Variants in WASHC5 observed in about 807,000 individuals in gnomAD.
WASHC5 encodes the protein WASH complex subunit 5.
In WASHC5, 101 loss-of-function variants were observed where a neutral mutation model predicts 150.4. The observed-to-expected ratio is 0.67, with a 90% CI of 0.57 to 0.79. The LOEUF (loss-of-function observed/expected upper bound fraction) is 0.79. Among genes scored for constraint, WASHC5 ranks in the 30% least tolerant of loss-of-function variants. The pLI, the probability that WASHC5 is intolerant of heterozygous loss-of-function variation, is 0.00. For synonymous variants in WASHC5, 467 were observed against 491.2 expected, an observed-to-expected ratio of 0.95 and a Z score of 0.65; for missense variants, 1,195 against 1,396.3, an observed-to-expected ratio of 0.86 and a Z score of 2.30.
At chr8:125,087,317 T>C (rs1817448975) in intron 1 of WASHC5, among the ~76,000 whole-genome samples, 2 of 152,254 alleles carry the variant, frequency 1.3e-5, no homozygotes, top group Non-Finnish European at 2.9e-5. Flanking sequence ...CGCTGATTAT[T>C]GCAATTTCCT....
At chr8:125,025,179 T>C (rs1815341446) in intron 28 of WASHC5, among the ~76,000 whole-genome samples, 1 of 152,060 alleles carries the variant, frequency 6.6e-6, no homozygotes, top group Admixed American at 6.5e-5. Flanking sequence ...GAAGACTAAA[T>C]TGGGCTCAGT....
In WASHC5 at chr8:125,043,730, AAGAAG is replaced by A; in HGVS notation, c.2850+90_2850+94del. Reference sequence around the variant, plus strand: ...ATATTTTTGATTTAATGACAAAAGAAAGAAGAGTAGCTTTTTTTGGGCAACAAAGT... The same window carrying A: ...ATATTTTTGATTTAATGACAAAAGAAAGTAGCTTTTTTTGGGCAACAAAGT... On this transcript the variant is annotated intron_variant, in intron 23 of 28. Coordinates refer to ENST00000318410, the MANE Select transcript of WASHC5 (RefSeq NM_014846.4). 8.5e-6 allele frequency: 7 copies of A among 826,532 alleles called. No individual in the cohort carries two copies. In the South Asian group the frequency reaches 1.1e-4, roughly 13 times the overall value. 51.2% of individuals were successfully genotyped at this position (826,532 alleles called of 1,614,324 possible). A position where few individuals can be genotyped will look rare whatever the true frequency, so the allele number is the denominator to read the frequency against.
In WASHC5 at chr8:125,078,894, A is replaced by G. The variant is rs145934920; in HGVS notation, c.555T>C (p.Asp185=). 186 of 1,613,758 alleles carry G rather than the reference A, an allele frequency of 1.2e-4. No homozygotes were observed. Among genetic ancestry groups the G allele is most frequent in the Non-Finnish European group, 7.5e-5 (88 of 1,179,932 alleles). ...CTGTACTTCGAAGCAGCTTACAAATATCGTCCATATTTGAATCAGCAGAAG... is the reference window on the plus strand; with the variant it reads ...CTGTACTTCGAAGCAGCTTACAAATGTCGTCCATATTTGAATCAGCAGAAG... ...ARSSADSNMD[D]ICKLLRSTGY... Residue 185 remains aspartate (D), a synonymous_variant, in exon 6 of 29, where the codon GAT becomes GAC. Coordinates refer to ENST00000318410, the MANE Select transcript of WASHC5 (RefSeq NM_014846.4).
At chr8:125,032,525 G>T in intron 26 of WASHC5, 131 bp from the exon 27 acceptor site, 1 of 1,033,062 alleles carries the variant, frequency 9.7e-7, no homozygotes, top group Non-Finnish European at 1.5e-6. Context: ...TGGAGGGAAT[G>T]ACAATTCTGG....
chr8:125,055,198 T>C (rs1816370423), intron 17 of WASHC5, among the ~76,000 whole-genome samples: 6 of 152,108 alleles, frequency 3.9e-5, no homozygotes, highest in East Asian at 1.9e-4. Flanking sequence ...CCACGACAGA[T>C]GGATCACTTG....
intron 1 of WASHC5, among the ~76,000 whole-genome samples, chr8:125,086,018 G>C (rs1405134290): frequency 2.0e-5 from 3 of 152,154 alleles, no homozygotes; most frequent in African/African-American, 7.2e-5. Context: ...GCCAAAGATG[G>C]CTCCCAACAA....
intron 23 of WASHC5, among the ~76,000 whole-genome samples, chr8:125,042,489 G>A (rs1815921505): frequency 6.6e-6 from 1 of 152,026 alleles, no homozygotes; most frequent in Non-Finnish European, 1.5e-5. Flanking sequence ...TTGTCCTTTG[G>A]GGCTTTATTT....
Position 125,083,152 on chromosome 8 carries a change from G to T in WASHC5, c.293C>A (p.Ala98Glu). The change falls in exon 3 of 29, where the codon GCA (alanine) becomes GAA (glutamate). Residue 98 changes from alanine (A) to glutamate (E), a missense_variant. Around this residue, in one of 3 missense-constraint regions of WASHC5, gnomAD observed 195 missense variants for 206.9 expected, o/e 0.94. Coordinates refer to ENST00000318410, the MANE Select transcript of WASHC5 (RefSeq NM_014846.4). ...AATATATTTATGTACACTTTGAAAT[G>T]CTAAATAAAATCTGGTCACAATTTC... ...NIEIVTRFYL[A>E]FQSVHKYIVD... 6.4e-7 allele frequency: 1 copy of T among 1,569,824 alleles called. No homozygotes were observed. Among genetic ancestry groups the T allele is most frequent in the Non-Finnish European group, 8.8e-7 (1 of 1,140,470 alleles).
At chr8:125,076,632 T>A in intron 6 of WASHC5, 132 bp from the exon 7 acceptor site, 1 of 964,014 alleles carries the variant, frequency 1.0e-6, no homozygotes. Context: ...TCCTGGACAC[T>A]GGAAGCCCTT....
At chr8:125,047,480 C>G (rs1816103178) in intron 19 of WASHC5, 149 bp from the exon 20 acceptor site, 2 of 738,196 alleles carry the variant, frequency 2.7e-6, no homozygotes, top group African/African-American at 3.5e-5. Context: ...CTCTGTCCCC[C>G]AGGCTGGAGT....
chr8:125,052,054 A>G (rs1266998602), intron 17 of WASHC5, among the ~76,000 whole-genome samples: 3 of 152,278 alleles, frequency 2.0e-5, no homozygotes, highest in Admixed American at 1.3e-4. Flanking sequence ...ACTAAATCCT[A>G]TTTCTTAAGT....
intron 9 of WASHC5, 106 bp from the exon 10 acceptor site, chr8:125,067,825 A>T: frequency 8.4e-7 from 1 of 1,188,518 alleles, no homozygotes; most frequent in Admixed American, 1.8e-5. Context: ...TTAAAAAGTA[A>T]TAAGCAAAAT....
chr8:125,059,087 C>T (rs1159443882), intron 14 of WASHC5, 135 bp downstream of exon 14: 7 of 713,362 alleles, frequency 9.8e-6, no homozygotes, highest in Non-Finnish European at 1.7e-5. Flanking sequence ...AAACTGCTAA[C>T]AATTTCAGTC....
intron 1 of WASHC5, among the ~76,000 whole-genome samples, chr8:125,088,679 A>G (rs1193466890): frequency 3.9e-5 from 6 of 152,092 alleles, no homozygotes; most frequent in Non-Finnish European, 8.8e-5. Context: ...CAGCCTTCAG[A>G]TAAGACCATA....
intron 25 of WASHC5, among the ~76,000 whole-genome samples, chr8:125,038,023 G>A (rs148927600): frequency 6.6e-6 from 1 of 152,074 alleles, no homozygotes; most frequent in Admixed American, 6.5e-5. Context: ...TCTGAGCCTC[G>A]GGTTCCTCAA....
intron 17 of WASHC5, 90 bp from the exon 18 acceptor site, chr8:125,050,755 T>A: frequency 1.1e-6 from 1 of 951,678 alleles, no homozygotes; most frequent in Non-Finnish European, 1.7e-6. Context: ...GAATCTGCAG[T>A]GGGGCATTTT....
intron 26 of WASHC5, chr8:125,032,761 C>A (rs1016655217): frequency 2.6e-5 from 7 of 273,242 alleles, no homozygotes; most frequent in Non-Finnish European, 5.0e-5. Flanking sequence ...ATACTAGATA[C>A]CCTGAACTAC....
intron 4 of WASHC5, 28 bp downstream of exon 4, chr8:125,082,355 T>C (rs1194372498): frequency 1.6e-6 from 2 of 1,237,562 alleles, no homozygotes; most frequent in Non-Finnish European, 2.4e-6. Flanking sequence ...ATTCTTGAAT[T>C]TCATTTTAAA....
chr8:125,024,524 A>C lies in WASHC5; in HGVS notation c.*93T>G, dbSNP rs1405072090. ...TAATAGACAGAAAAAATGCAGTTGT[A>C]TGAGCAACTGAGTTTCTTTTCATCT... On this transcript the variant is annotated 3_prime_UTR_variant, in exon 29 of 29. Coordinates refer to ENST00000318410, the MANE Select transcript of WASHC5 (RefSeq NM_014846.4). The C allele has an allele frequency of 2.0e-5, 19 of 935,432 alleles. No individual in the cohort carries two copies. The highest frequency in any genetic ancestry group is 8.9e-6 in the Non-Finnish European group (5 of 564,576). 57.9% of individuals were successfully genotyped at this position (935,432 alleles called of 1,614,324 possible).
Sources: gnomAD v4.1 joint callset for allele counts (sites outside exome capture counted in the v4.1 genomes callset) on GRCh38, gnomAD v4.1.1 for gene constraint, gnomAD v4.1.1 regional missense constraint, MANE v1.5 for transcripts, NCBI Gene and HGNC (gene_info 2026-07-23, HGNC 2026-07-21) for gene names.